Variants in POLR3B observed in about 807,000 individuals in gnomAD.
POLR3B encodes DNA-directed RNA polymerase III subunit RPC2.
Under a neutral mutation model 147.4 loss-of-function variants are expected in POLR3B, and 96 were observed. That is an observed-to-expected ratio of 0.65 (90% CI 0.55 to 0.77). The LOEUF is 0.77. POLR3B is among the 30% of genes least tolerant of loss of function. The pLI, the probability that POLR3B is intolerant of heterozygous loss-of-function variation, is 0.00. For missense variants in POLR3B, 1,036 were observed against 1,413.5 expected (o/e 0.73, Z 4.28); for synonymous variants, 461 against 485.9 (o/e 0.95, Z 0.67).
At chr12:106,397,250 C>T (rs992702065) in intron 10 of POLR3B, among the ~76,000 whole-genome samples, 1 of 152,096 alleles carries the variant, frequency 6.6e-6, no homozygotes. Flanking sequence ...TATAAATGCT[C>T]ATGTATCCAA....
chr12:106,421,512 C>A (rs1342554370), intron 12 of POLR3B, among the ~76,000 whole-genome samples: 1 of 152,142 alleles, frequency 6.6e-6, no homozygotes, highest in Non-Finnish European at 1.5e-5. Flanking sequence ...TTCTATATTA[C>A]TAATGAGGTT....
intron 10 of POLR3B, among the ~76,000 whole-genome samples, chr12:106,400,632 A>G (rs1017898387): frequency 9.2e-5 from 14 of 152,370 alleles, no homozygotes; most frequent in Non-Finnish European, 1.9e-4. Flanking sequence ...TGTCTCTCAG[A>G]CCACAGTGGA....
At chr12:106,483,116 C>G (rs1272814538) in intron 23 of POLR3B, among the ~76,000 whole-genome samples, 1 of 152,154 alleles carries the variant, frequency 6.6e-6, no homozygotes, top group Non-Finnish European at 1.5e-5. Context: ...TATTCAAGTC[C>G]CACAGTTGGG....
chr12:106,374,462 C>T (rs1015654272), intron 6 of POLR3B, among the ~76,000 whole-genome samples: 1 of 151,978 alleles, frequency 6.6e-6, no homozygotes, highest in Non-Finnish European at 1.5e-5. Flanking sequence ...GTCATCCACC[C>T]GCCTTGGCCT....
At chr12:106,442,096 AG>A (rs10712889) in intron 18 of POLR3B, among the ~76,000 whole-genome samples, 41,405 of 147,388 alleles carry the variant, frequency 0.28, 7,848 homozygotes, top group African/African-American at 0.54. Flanking sequence ...AAAAAAAGAA[AG>A]AAAGAAAGAA....
At chr12:106,381,889 G>C (rs1255301954) in intron 9 of POLR3B, 3 of 152,240 alleles carry the variant, frequency 2.0e-5, no homozygotes, top group Non-Finnish European at 4.4e-5. Context: ...GATTATTCAT[G>C]AGTTTTCTGG....
At chr12:106,401,256 C>A (rs1017246820) in intron 10 of POLR3B, among the ~76,000 whole-genome samples, 1 of 152,154 alleles carries the variant, frequency 6.6e-6, no homozygotes, top group Non-Finnish European at 1.5e-5. Flanking sequence ...TACATACATC[C>A]TCCCAAGACT....
chr12:106,461,539 A>G (rs770725681), intron 22 of POLR3B, among the ~76,000 whole-genome samples: 2 of 152,220 alleles, frequency 1.3e-5, no homozygotes, highest in Admixed American at 6.5e-5. Context: ...ACCCATGTAT[A>G]GTCGAACTTG....
intron 23 of POLR3B, among the ~76,000 whole-genome samples, chr12:106,468,812 T>C (rs1048503372): frequency 2.0e-5 from 3 of 152,204 alleles, no homozygotes; most frequent in African/African-American, 7.2e-5. Flanking sequence ...AGAGACAGTT[T>C]GTTGTGATTT....
intron 23 of POLR3B, among the ~76,000 whole-genome samples, chr12:106,485,566 C>G (rs1237977090): frequency 6.6e-6 from 1 of 152,132 alleles, no homozygotes; most frequent in Non-Finnish European, 1.5e-5. Context: ...TGACTGGATT[C>G]TGGACATACT....
At chr12:106,386,428 C>CTT (rs370770207) in intron 9 of POLR3B, among the ~76,000 whole-genome samples, 1 of 147,308 alleles carries the variant, frequency 6.8e-6, no homozygotes, top group African/African-American at 2.5e-5. Flanking sequence ...ATCCAAAGGA[C>CTT]TTTTTTTTTT....
intron 26 of POLR3B, 106 bp downstream of exon 26, chr12:106,501,542 G>T (rs2038601850): frequency 5.5e-6 from 4 of 725,626 alleles, no homozygotes; most frequent in Non-Finnish European, 9.4e-6. Flanking sequence ...GTTTTCCTGA[G>T]ATGTCAAAAT....
At chr12:106,506,527 G>A (rs7296090) in intron 27 of POLR3B, among the ~76,000 whole-genome samples, 34,487 of 152,052 alleles carry the variant, frequency 0.23, 4,088 homozygotes, top group African/African-American at 0.28. Flanking sequence ...TGTAAGCAGC[G>A]ATTGATCCTT....
intron 23 of POLR3B, among the ~76,000 whole-genome samples, chr12:106,490,833 T>C (rs929205204): frequency 1.3e-5 from 2 of 152,232 alleles, no homozygotes; most frequent in Admixed American, 6.5e-5. Flanking sequence ...ACAGTCAAAC[T>C]TGAAAGCATT....
At chr12:106,453,810 T>C (rs1204831364) in intron 19 of POLR3B, among the ~76,000 whole-genome samples, 1 of 152,084 alleles carries the variant, frequency 6.6e-6, no homozygotes, top group Non-Finnish European at 1.5e-5. Flanking sequence ...AACAATCAGG[T>C]GGAAAGACTG....
chr12:106,422,863 T>C (rs2037390031), intron 12 of POLR3B, among the ~76,000 whole-genome samples: 2 of 152,218 alleles, frequency 1.3e-5, no homozygotes, highest in African/African-American at 2.4e-5. Context: ...GGGATTCTAA[T>C]TGGCATTGCA....
At position 106,504,001 on chromosome 12, in the gene POLR3B, G is replaced by A; in HGVS notation, c.3099-80G>A. 7.6e-7 allele frequency: 1 copy of A among 1,314,920 alleles called. No homozygotes were observed. Among genetic ancestry groups the A allele is most frequent in the Non-Finnish European group, 1.1e-6 (1 of 907,480 alleles). 81.5% of individuals were successfully genotyped at this position (1,314,920 alleles called of 1,614,324 possible). A position where few individuals can be genotyped will look rare whatever the true frequency, so the allele number is the denominator to read the frequency against. On this transcript the variant is annotated intron_variant, in intron 26 of 27. Coordinates refer to ENST00000228347, the MANE Select transcript of POLR3B (RefSeq NM_018082.6). The surrounding 1 kb of genome is among the most constrained non-coding windows in gnomAD (Gnocchi z 4.6). ...GATGAGCCCTGCTCCAAAGCCTCGT[G>A]CTCTCTGCCAGCATGTGATGCTACC...
chr12:106,366,419 A>G, intron 2 of POLR3B, 97 bp from the exon 3 acceptor site: 3 of 772,462 alleles, frequency 3.9e-6, no homozygotes, highest in Middle Eastern at 3.5e-4. Flanking sequence ...ATGTTCACCT[A>G]TTATTAGATT....
intron 13 of POLR3B, 117 bp from the exon 14 acceptor site, chr12:106,430,156 A>G (rs1457021078): frequency 1.3e-6 from 1 of 794,288 alleles, no homozygotes; most frequent in African/African-American, 1.7e-5. Flanking sequence ...AATATATGTC[A>G]TGGTTCTAAT....
Sources: gnomAD v4.1 joint callset for allele counts (sites outside exome capture counted in the v4.1 genomes callset) on GRCh38, gnomAD v4.1.1 for gene constraint, Gnocchi (gnomAD v3.1) non-coding constraint, MANE v1.5 for transcripts, NCBI Gene and HGNC (gene_info 2026-07-23, HGNC 2026-07-21) for gene names.